SH3BP5: variants seen among roughly 807,000 people sequenced by gnomAD.
The protein encoded by SH3BP5 is SH3 domain binding protein 5.
A neutral mutation model predicts 43.3 loss-of-function variants in SH3BP5; 22 were observed. The ratio of observed to expected loss-of-function variants is 0.51; its 90% CI spans 0.36 to 0.73. The LOEUF (loss-of-function observed/expected upper bound fraction) is 0.73, where lower values mean the gene tolerates loss of function less well. Among genes scored for constraint, SH3BP5 ranks in the 30% least tolerant of loss-of-function variants. SH3BP5 has a pLI of 0.00. For synonymous variants in SH3BP5, 255 were observed against 225.8 expected, an observed-to-expected ratio of 1.13 and a Z score of -1.16; for missense variants, 529 against 586.9, an observed-to-expected ratio of 0.90 and a Z score of 1.02.
chr3:15,330,640 C>T, intron 1 of SH3BP5, 74 bp from the exon 2 acceptor site: 4 of 1,401,400 alleles, frequency 2.9e-6, no homozygotes, highest in Non-Finnish European at 3.8e-6. Flanking sequence ...CAGTCCATAA[C>T]CTGAAAAATT....
chr3:15,274,432 T>A (rs547219146), intron 3 of SH3BP5, among the ~76,000 whole-genome samples: 31 of 152,238 alleles, frequency 2.0e-4, no homozygotes, highest in African/African-American at 6.3e-4. Flanking sequence ...GAACAGGGCA[T>A]CTCACAAAGT....
At chr3:15,299,410 C>T (rs1387852447) in intron 3 of SH3BP5, among the ~76,000 whole-genome samples, 11 of 151,330 alleles carry the variant, frequency 7.3e-5, no homozygotes, top group Non-Finnish European at 1.6e-4. Context: ...GAAAAATGAG[C>T]TCATATCAGG....
intron 3 of SH3BP5, among the ~76,000 whole-genome samples, chr3:15,292,547 T>A (rs986905660): frequency 3.9e-5 from 6 of 152,100 alleles, no homozygotes; most frequent in African/African-American, 1.4e-4. Context: ...GTTCATGGCA[T>A]CACCAGAAAA....
chr3:15,280,893 C>G lies in SH3BP5; in HGVS notation c.331-11016G>C, dbSNP rs182385535. Among the ~76,000 whole-genome samples, 74 of 152,344 alleles carry G rather than the reference C, an allele frequency of 4.9e-4. 1 individual carries two copies. The highest frequency in any genetic ancestry group is 4.2e-3 in the Admixed American group (64 of 15,304). ...CACACACCAATCAGGGAAGCTATTT[C>G]ATCCTCCACTGGGATGCACGATGCA... On this transcript the variant is annotated intron_variant, in intron 3 of 8. Coordinates refer to ENST00000383791, the MANE Select transcript of SH3BP5 (RefSeq NM_004844.5).
At chr3:15,290,241 A>G (rs1009569379) in intron 3 of SH3BP5, among the ~76,000 whole-genome samples, 2 of 151,842 alleles carry the variant, frequency 1.3e-5, no homozygotes, top group Non-Finnish European at 1.5e-5. Context: ...AAAAATACAA[A>G]AATTAGGCTG....
intron 3 of SH3BP5, among the ~76,000 whole-genome samples, chr3:15,288,690 G>A (rs955877951): frequency 6.6e-6 from 1 of 152,006 alleles, no homozygotes; most frequent in East Asian, 1.9e-4. Flanking sequence ...CAGTGAGCCG[G>A]GATTGCACCA....
At position 15,332,342 on chromosome 3, in the gene SH3BP5, C is replaced by T; in HGVS notation, c.67G>A (p.Glu23Lys). ...ATCCCCTCTTCCTCCTCCTCCTCCT[C>T]GTCCCGGGCAGGCGGCAGGATTTCG... ...PAEILPPARD[E>K]EEEEEEGMEQ... The change falls in exon 1 of 9, where the codon GAG becomes AAG. Residue 23 changes from glutamate (E) to lysine (K), a missense_variant. Physicochemically the swap from Glu to Lys is moderately conservative, Grantham distance 56. Coordinates refer to ENST00000383791, the MANE Select transcript of SH3BP5 (RefSeq NM_004844.5). The T allele has an allele frequency of 1.3e-6, 2 of 1,543,548 alleles. No homozygotes were observed. The highest frequency in any genetic ancestry group is 2.4e-5 in the South Asian group (2 of 84,258).
chr3:15,283,584 A>C (rs1350487766), intron 3 of SH3BP5, among the ~76,000 whole-genome samples: 1 of 152,220 alleles, frequency 6.6e-6, no homozygotes, highest in African/African-American at 2.4e-5. Context: ...ATAGCCTGTT[A>C]GTGGCCACAC....
At chr3:15,293,646 A>G (rs1314184921) in intron 3 of SH3BP5, among the ~76,000 whole-genome samples, 1 of 152,220 alleles carries the variant, frequency 6.6e-6, no homozygotes, top group Non-Finnish European at 1.5e-5. Flanking sequence ...GCAAATAGTC[A>G]TAAATGCCTC....
upstream of SH3BP5, among the ~76,000 whole-genome samples, chr3:15,334,696 A>C (rs1698680845): frequency 6.6e-6 from 1 of 152,146 alleles, no homozygotes. Context: ...CATGCCTGTA[A>C]TCTCAATACT....
chr3:15,300,057 C>T (rs773075982), intron 3 of SH3BP5, among the ~76,000 whole-genome samples: 2 of 152,034 alleles, frequency 1.3e-5, no homozygotes, highest in Non-Finnish European at 2.9e-5. Context: ...CAAATAAGGA[C>T]CTTCTCTCAC....
chr3:15,296,928 C>A (rs929566273), intron 3 of SH3BP5, among the ~76,000 whole-genome samples: 1 of 151,624 alleles, frequency 6.6e-6, no homozygotes, highest in African/African-American at 2.4e-5. Context: ...AACTCCTGGG[C>A]TCAAGCAATC....
At position 15,255,873 on chromosome 3, in the gene SH3BP5, A is replaced by C. The variant is rs918549534; in HGVS notation, c.*213T>G. The C allele has an allele frequency of 1.8e-6, 1 of 553,888 alleles. No homozygotes were observed. Among genetic ancestry groups the C allele is most frequent in the Middle Eastern group, 4.8e-4 (1 of 2,062 alleles). The allele number at this position is 553,888 out of a possible 1,614,324, so 34.3% of individuals were successfully genotyped here. On this transcript the variant is annotated 3_prime_UTR_variant, in exon 9 of 9. Coordinates refer to ENST00000383791, the MANE Select transcript of SH3BP5 (RefSeq NM_004844.5). ...CCACAAAGGCTGTGAACCTAGTCAC[A>C]GTCTACCCACAACAAGAACTCTGCT...
At position 15,255,033 on chromosome 3, in the gene SH3BP5, GA is replaced by G. The variant is rs761171945; in HGVS notation, c.*1052del. 2 of 152,372 alleles carry G rather than the reference GA, an allele frequency of 1.3e-5. No individual in the cohort carries two copies. Among genetic ancestry groups the G allele is most frequent in the South Asian group, 4.1e-4 (2 of 4,830 alleles). 9.4% of individuals were successfully genotyped at this position (152,372 alleles called of 1,614,324 possible). A position where few individuals can be genotyped will look rare whatever the true frequency, so the allele number is the denominator to read the frequency against. Reference sequence around the variant, plus strand: ...GAAAGAGGGTTGCTTTTTTCTTTTAGAAATGCTAAATTTTCTTAACAAGACA... The same window carrying G: ...GAAAGAGGGTTGCTTTTTTCTTTTAGAATGCTAAATTTTCTTAACAAGACA... On this transcript the variant is annotated 3_prime_UTR_variant, in exon 9 of 9. Coordinates refer to ENST00000383791, the MANE Select transcript of SH3BP5 (RefSeq NM_004844.5).
chr3:15,305,693 A>C (rs1697883415), intron 2 of SH3BP5, among the ~76,000 whole-genome samples: 1 of 152,170 alleles, frequency 6.6e-6, no homozygotes, highest in Non-Finnish European at 1.5e-5. Flanking sequence ...TAAGAGGGGA[A>C]TGGGAACAGC....
At chr3:15,319,096 C>T (rs578010716) in intron 2 of SH3BP5, among the ~76,000 whole-genome samples, 49 of 152,330 alleles carry the variant, frequency 3.2e-4, no homozygotes, top group African/African-American at 1.2e-3. Flanking sequence ...AAGCAACAGT[C>T]TAATTATTGT....
chr3:15,256,221 ACCACTG>A lies in SH3BP5; in HGVS notation c.1227_1232del (p.Ser410_Gly411del), dbSNP rs771691733. ...TGCTGCTTTGGCTCTTACTGCTGCC[ACCACTG>A]CCACTGCTACTGCTGAGGCCCCGGT... On this transcript the variant is annotated inframe_deletion, in exon 9 of 9. Transcript: ENST00000383791. 53 of 1,613,778 alleles carry A rather than the reference ACCACTG, an allele frequency of 3.3e-5. No homozygotes were observed. The highest frequency in any genetic ancestry group is 1.7e-5 in the Admixed American group (1 of 59,978).
chr3:15,269,398 C>G (rs1327877210), intron 4 of SH3BP5, among the ~76,000 whole-genome samples: 1 of 152,168 alleles, frequency 6.6e-6, no homozygotes, highest in Non-Finnish European at 1.5e-5. Flanking sequence ...TCCATGGGAG[C>G]AAACCCTGGA....
intron 1 of SH3BP5, 143 bp downstream of exon 1, chr3:15,332,128 A>G (rs2124832537): frequency 7.6e-7 from 1 of 1,313,110 alleles, no homozygotes; most frequent in Non-Finnish European, 1.0e-6. Context: ...AACGGAGCAT[A>G]CAGACCGTCT....
Sources: gnomAD v4.1 joint callset for allele counts (sites outside exome capture counted in the v4.1 genomes callset) on GRCh38, gnomAD v4.1.1 for gene constraint, MANE v1.5 for transcripts, NCBI Gene and HGNC (gene_info 2026-07-23, HGNC 2026-07-21) for gene names.